MYO15B: variants seen among roughly 807,000 people sequenced by gnomAD.
The protein encoded by MYO15B is myosin XVB.
MYO15B carries 207 observed loss-of-function variants against 119.3 expected under a neutral mutation model. The ratio of observed to expected loss-of-function variants is 1.73; its 90% CI spans 1.55 to 1.95. MYO15B has a LOEUF of 1.95. MYO15B is among the 30% of genes most tolerant of loss of function. The probability of loss-of-function intolerance (pLI) is 0.00; values close to 1 mark genes in which losing one functional copy is unlikely to be tolerated. For missense variants in MYO15B, 2,264 were observed against 1,203.1 expected, an observed-to-expected ratio of 1.88 and a Z score of -13.04; for synonymous variants, 966 against 498.9, an observed-to-expected ratio of 1.94 and a Z score of -12.48.
intron 43 of MYO15B, 100 bp downstream of exon 43, chr17:75,618,285 T>C (rs912479120): frequency 1.2e-5 from 8 of 674,852 alleles, no homozygotes; most frequent in African/African-American, 8.8e-5. Flanking sequence ...ACGTAGGGCA[T>C]GTTGGCAGCC....
Position 75,620,238 on chromosome 17 carries a change from GC to G in MYO15B, c.7444-5del, listed in dbSNP as rs2058629510. The G allele has an allele frequency of 2.8e-6, 2 of 702,676 alleles. No homozygotes were observed. The highest frequency in any genetic ancestry group is 2.7e-5 in the East Asian group (1 of 37,280). The allele number at this position is 702,676 out of a possible 1,614,324, so 43.5% of individuals were successfully genotyped here. On this transcript the variant is annotated splice_polypyrimidine_tract_variant and splice_region_variant and intron_variant, in intron 47 of 63. Transcript: ENST00000645453. Reference sequence around the variant, plus strand: ...TGCTGCTCCAGGCCCTCGCCTGCTTGCCCACAGGACTCCGGCTATGTCATCG... The same window carrying G: ...TGCTGCTCCAGGCCCTCGCCTGCTTGCCACAGGACTCCGGCTATGTCATCG...
At chr17:75,618,990 G>GC (rs998559058) in intron 43 of MYO15B, 153 bp from the exon 44 acceptor site, 1 of 615,982 alleles carries the variant, frequency 1.6e-6, no homozygotes, top group Non-Finnish European at 2.9e-6. Flanking sequence ...ATCCCTCCCT[G>GC]CCCCACCTAG....
At chr17:75,612,928 G>A (rs1056603743) in intron 26 of MYO15B, 35 bp downstream of exon 26, 17 of 692,680 alleles carry the variant, frequency 2.5e-5, no homozygotes, top group Middle Eastern at 2.3e-4. Flanking sequence ...CAGGATAGGC[G>A]CCTGGGAGCC....
exon 9 of MYO15B, chr17:75,592,810 G>A (rs1400114859): frequency 2.8e-6 from 2 of 702,510 alleles, no homozygotes; most frequent in Non-Finnish European, 5.2e-6. Context: ...CCATCCTGCA[G>A]CTGGGCAACA....
exon 39 of MYO15B, chr17:75,616,723 C>T (rs1200972607): frequency 1.4e-6 from 1 of 702,920 alleles, no homozygotes; most frequent in Admixed American, 2.0e-5. Flanking sequence ...GGGAAATTGG[C>T]AACATCATCC....
intron 29 of MYO15B, 112 bp from the exon 30 acceptor site, chr17:75,614,087 G>A (rs2058205811): frequency 1.3e-5 from 8 of 637,722 alleles, no homozygotes; most frequent in South Asian, 1.2e-4. Flanking sequence ...CGGACCAGGC[G>A]GATCCAGGGC....
chr17:75,612,745 C>T (rs1456822601), intron 25 of MYO15B, 53 bp from the exon 26 acceptor site: 2 of 702,362 alleles, frequency 2.8e-6, no homozygotes, highest in African/African-American at 1.7e-5. Context: ...TGGGGCTCCC[C>T]TGGGCTGTCT....
At chr17:75,619,905 G>A (rs768167962) in exon 47 of MYO15B, 2 of 702,386 alleles carry the variant, frequency 2.8e-6, no homozygotes, top group Admixed American at 2.0e-5. Flanking sequence ...GGTGTGGAGT[G>A]CCGGGGCGGC....
rs1359975997 is a variant in MYO15B at position 75,589,305 on chromosome 17, T to C, written c.1248T>C (p.Gly416=). 8.1e-6 allele frequency: 3 copies of C among 370,242 alleles called. No homozygotes were observed. The highest frequency in any genetic ancestry group is 1.4e-5 in the Non-Finnish European group (3 of 215,016). The allele number at this position is 370,242 out of a possible 1,614,324, so 22.9% of individuals were successfully genotyped here. Residue 416 remains glycine (G), a synonymous_variant, in exon 1 of 64, where the codon GGT becomes GGC. Coordinates refer to ENST00000645453, the Ensembl canonical transcript of MYO15B. This position sits in a 1 kb window ranked among gnomAD's most constrained non-coding sequence, Gnocchi z 4.2. ...GCCGGAAACCGGACGAGGGGCGGGG[T>C]CATGGGAGAGGAAGCAAGGGGCGGG...
rs920191903 is a variant in MYO15B at position 75,591,928 on chromosome 17, G to T, written c.2548-49G>T. On this transcript the variant is annotated intron_variant, in intron 5 of 63. Coordinates refer to ENST00000645453, the Ensembl canonical transcript of MYO15B. ...CTGCCCCTAGCTGGGATGCCTGCTGGTGGGGGCTACTGCTGCCCAGGGATG... is the reference window on the plus strand; with the variant it reads ...CTGCCCCTAGCTGGGATGCCTGCTGTTGGGGGCTACTGCTGCCCAGGGATG... 6.9e-5 allele frequency: 48 copies of T among 692,754 alleles called. No individual in the cohort carries two copies. In the African/African-American group the frequency reaches 7.9e-4, roughly 11 times the overall value. 42.9% of individuals were successfully genotyped at this position (692,754 alleles called of 1,614,324 possible).
exon 41 of MYO15B, chr17:75,617,096 C>T: frequency 1.5e-6 from 1 of 678,156 alleles, no homozygotes; most frequent in East Asian, 2.7e-5. Flanking sequence ...TGCTGTCCCC[C>T]AGCCCAGGAA....
chr17:75,596,488 T>G, exon 13 of MYO15B: 1 of 594,604 alleles, frequency 1.7e-6, no homozygotes, highest in Non-Finnish European at 3.1e-6. Context: ...CTGGAGCAAC[T>G]GTGCAACAAC....
exon 49 of MYO15B, chr17:75,620,533 C>T (rs1459132844): frequency 1.4e-6 from 1 of 702,826 alleles, no homozygotes; most frequent in African/African-American, 1.7e-5. Flanking sequence ...CAGCCGGCTG[C>T]CGCTCCCGAC....
Position 75,596,484 on chromosome 17 carries a change from C to T in MYO15B, c.3322C>T (p.Gln1108Ter), listed in dbSNP as rs1303222969. The T allele has an allele frequency of 1.4e-6, 1 of 701,144 alleles. No homozygotes were observed. Among genetic ancestry groups the T allele is most frequent in the Non-Finnish European group, 2.6e-6 (1 of 384,534 alleles). The allele number at this position is 701,144 out of a possible 1,614,324, so 43.4% of individuals were successfully genotyped here. A position where few individuals can be genotyped will look rare whatever the true frequency, so the allele number is the denominator to read the frequency against. Residue 1108 changes from glutamine (Q) to a stop codon, truncating the protein, a stop_gained, in exon 13 of 64, where the codon CAA (glutamine) becomes TAA (stop). Coordinates refer to ENST00000645453, the Ensembl canonical transcript of MYO15B. LOFTEE classifies it high-confidence loss of function. ...GGCCCTGCGGGTGAATGGCCTGGAGCAACTGTGCAACAACCTCGCCAGCGA... is the reference window on the plus strand; with the variant it reads ...GGCCCTGCGGGTGAATGGCCTGGAGTAACTGTGCAACAACCTCGCCAGCGA...
Position 75,616,951 on chromosome 17 carries a change from C to T in MYO15B, c.6584C>T (p.Ser2195Leu), listed in dbSNP as rs1379316922. Reference sequence around the variant, plus strand: ...AAGCTGGGTATCAACGGTGCCCACTCGTCCCCGCCGGTGAGCACCCCAGCC... The same window carrying T: ...AAGCTGGGTATCAACGGTGCCCACTTGTCCCCGCCGGTGAGCACCCCAGCC... The change falls in exon 40 of 64, where the codon TCG becomes TTG. Residue 2195 changes from serine to leucine, a missense_variant. Physicochemically the swap from Ser to Leu is moderately radical, Grantham distance 145. Coordinates refer to ENST00000645453, the Ensembl canonical transcript of MYO15B. 2.3e-5 allele frequency: 16 copies of T among 702,766 alleles called. No homozygotes were observed. In the East Asian group the frequency reaches 2.4e-4, roughly 11 times the overall value. The allele number at this position is 702,766 out of a possible 1,614,324, so 43.5% of individuals were successfully genotyped here.
At chr17:75,623,114 C>A (rs990996674) in intron 53 of MYO15B, among the ~76,000 whole-genome samples, 12 of 152,184 alleles carry the variant, frequency 7.9e-5, no homozygotes, top group African/African-American at 2.9e-4. Flanking sequence ...GGTGGATCAC[C>A]TGAGGTAGGA....
intron 19 of MYO15B, 33 bp downstream of exon 19, chr17:75,603,345 A>G (rs1236812847): frequency 5.7e-6 from 4 of 701,442 alleles, no homozygotes; most frequent in Non-Finnish European, 1.0e-5. Flanking sequence ...AGGACTGACA[A>G]GGAGGCCACC....
At chr17:75,592,293 G>T (rs1469119069) in exon 7 of MYO15B, 1 of 702,906 alleles carries the variant, frequency 1.4e-6, no homozygotes, top group Admixed American at 2.0e-5. Flanking sequence ...CTCCAGGGTG[G>T]TGTTTCAGGT....
intron 49 of MYO15B, 33 bp from the exon 50 acceptor site, chr17:75,620,998 A>C (rs1188167224): frequency 4.3e-6 from 3 of 702,828 alleles, no homozygotes; most frequent in African/African-American, 3.5e-5. Context: ...GGCACTGGAC[A>C]CTCAGGTGGC....
Sources: gnomAD v4.1 joint callset for allele counts (sites outside exome capture counted in the v4.1 genomes callset) on GRCh38, gnomAD v4.1.1 for gene constraint, Gnocchi (gnomAD v3.1) non-coding constraint, MANE v1.5 for transcripts, NCBI Gene and HGNC (gene_info 2026-07-23, HGNC 2026-07-21) for gene names.